SLCO1B1: variants seen among roughly 807,000 people sequenced by gnomAD.
SLCO1B1 encodes the protein OATP-2.
In SLCO1B1, 81 loss-of-function variants were observed where a neutral mutation model predicts 70.1. That is an observed-to-expected ratio of 1.16 (90% CI 0.97 to 1.39). SLCO1B1 has a LOEUF of 1.39. Among genes scored for constraint, SLCO1B1 ranks in the 40% most tolerant of loss-of-function variants. The pLI is 0.00. For missense variants in SLCO1B1, 895 were observed against 799.6 expected (o/e 1.12, Z -1.44); for synonymous variants, 283 against 271.5 (o/e 1.04, Z -0.42).
chr12:21,237,553 C>T (rs559941705), intron 14 of SLCO1B1, among the ~76,000 whole-genome samples: 36 of 152,062 alleles, frequency 2.4e-4, no homozygotes, highest in African/African-American at 6.8e-4. Context: ...AATAACACAC[C>T]TACACGTAGT....
At chr12:21,191,636 G>C (rs11045841) in intron 7 of SLCO1B1, among the ~76,000 whole-genome samples, 1,571 of 151,942 alleles carry the variant, frequency 0.01, 38 homozygotes, top group South Asian at 0.038. Context: ...TCTTTTTCTT[G>C]GTTAATTGCT....
chr12:21,140,572 C>A (rs1940294522), intron 1 of SLCO1B1, among the ~76,000 whole-genome samples: 1 of 151,890 alleles, frequency 6.6e-6, no homozygotes, highest in Non-Finnish European at 1.5e-5. Flanking sequence ...TTAAGAACAT[C>A]TTTAATATGA....
rs146486871 is a variant in SLCO1B1 at position 21,217,970 on chromosome 12, T to C, written c.1682+667T>C. Among the ~76,000 whole-genome samples the C allele has an allele frequency of 1.4e-4, 22 of 152,294 alleles. 1 individual carries two copies. Among genetic ancestry groups the C allele is most frequent in the Admixed American group, 7.2e-4 (11 of 15,286 alleles). On this transcript the variant is annotated intron_variant, in intron 12 of 14. Coordinates refer to ENST00000256958, the MANE Select transcript of SLCO1B1 (RefSeq NM_006446.5). ...CAAAGCACATATTTATAAATTGTTC[T>C]GAGTCCTCATCAGGAAAAAGATTTC...
At chr12:21,186,096 C>A (rs967284276) in intron 7 of SLCO1B1, among the ~76,000 whole-genome samples, 3 of 151,998 alleles carry the variant, frequency 2.0e-5, no homozygotes, top group African/African-American at 7.2e-5. Context: ...CAGATGGATT[C>A]TCAGCCAAAT....
chr12:21,144,328 T>G (rs559849373), intron 2 of SLCO1B1, among the ~76,000 whole-genome samples: 1 of 152,044 alleles, frequency 6.6e-6, no homozygotes, highest in East Asian at 1.9e-4. Context: ...ATCTCAGAGT[T>G]TGAAGATTAC....
chr12:21,176,855 A>C lies in SLCO1B1; in HGVS notation c.439A>C (p.Ile147Leu). Residue 147 changes from isoleucine (I) to leucine (L), a missense_variant, in exon 5 of 15, where the codon ATT (isoleucine) becomes CTT (leucine). Transcript: ENST00000256958. ...CTTATCCACTTGTTTAATTAATCAA[A>C]TTTTATCACTCAATAGAGCATCACC... The part of the protein sequence containing the change: ...STLSTCLINQ[I>L]LSLNRASPEI... 1 of 1,559,632 alleles carries C rather than the reference A, an allele frequency of 6.4e-7. No homozygotes were observed. The highest frequency in any genetic ancestry group is 8.8e-7 in the Non-Finnish European group (1 of 1,130,334).
At chr12:21,139,343 AC>A (rs1940275499) in intron 1 of SLCO1B1, among the ~76,000 whole-genome samples, 4 of 152,084 alleles carry the variant, frequency 2.6e-5, no homozygotes. Flanking sequence ...GAACCCAGAA[AC>A]CCGACATATC....
chr12:21,237,430 T>C (rs34111581), intron 14 of SLCO1B1, among the ~76,000 whole-genome samples: 20,280 of 152,164 alleles, frequency 0.13, 1,656 homozygotes, highest in Non-Finnish European at 0.18. Flanking sequence ...CTCTTCTTGC[T>C]TGCATGGTTT....
In SLCO1B1 at chr12:21,239,128, C is replaced by G; in HGVS notation, c.2015C>G (p.Ser672Cys). 6.2e-7 allele frequency: 1 copy of G among 1,612,912 alleles called. No individual in the cohort carries two copies. The highest frequency in any genetic ancestry group is 1.3e-5 in the African/African-American group (1 of 74,954). The change falls in exon 15 of 15, where the codon TCC (serine) becomes TGC (cysteine). Residue 672 changes from serine to cysteine, a missense_variant. Ser to Cys is a moderately radical substitution (Grantham distance 112). Coordinates refer to ENST00000256958, the MANE Select transcript of SLCO1B1 (RefSeq NM_006446.5). The stretch of plus-strand genomic sequence containing the variant: ...GTCATGGATGAAGCAAACTTAGAAT[C>G]CTTAAATAAAAATAAACATTTTGTC... The part of the protein sequence containing the change: ...GSVMDEANLE[S>C]LNKNKHFVPS...
At chr12:21,163,817 G>A (rs73247004) in intron 2 of SLCO1B1, among the ~76,000 whole-genome samples, 20,516 of 152,002 alleles carry the variant, frequency 0.13, 1,842 homozygotes, top group East Asian at 0.33. Flanking sequence ...GATTTGACAT[G>A]CGCATTTGAG....
At chr12:21,226,109 G>A (rs1941479608) in intron 14 of SLCO1B1, among the ~76,000 whole-genome samples, 1 of 152,154 alleles carries the variant, frequency 6.6e-6, no homozygotes, top group Non-Finnish European at 1.5e-5. Flanking sequence ...CTAAGTGAAA[G>A]AAGGCAGTCT....
chr12:21,131,933 C>G (rs1279970292), intron 1 of SLCO1B1, among the ~76,000 whole-genome samples: 1 of 151,968 alleles, frequency 6.6e-6, no homozygotes, highest in Admixed American at 6.5e-5. Context: ...GTGTGCTGCA[C>G]CCATTAACTC....
In SLCO1B1 at chr12:21,224,752, C is replaced by T. The variant is rs768644633; in HGVS notation, c.1778C>T (p.Ala593Val). 1.2e-6 allele frequency: 2 copies of T among 1,611,456 alleles called. No homozygotes were observed. Among genetic ancestry groups the T allele is most frequent in the Non-Finnish European group, 1.7e-6 (2 of 1,178,302 alleles). ...GGILAPIYFG[A>V]LIDTTCIKWS... Reference sequence around the variant, plus strand: ...ATTCTAGCTCCAATATATTTTGGGGCTCTGATTGATACAACGTGTATAAAG... The same window carrying T: ...ATTCTAGCTCCAATATATTTTGGGGTTCTGATTGATACAACGTGTATAAAG... The change falls in exon 14 of 15, where the codon GCT becomes GTT. Residue 593 changes from alanine to valine, a missense_variant. Ala to Val is a moderately conservative substitution (Grantham distance 64). Coordinates refer to ENST00000256958, the MANE Select transcript of SLCO1B1 (RefSeq NM_006446.5).
chr12:21,138,798 A>G (rs140339535), intron 1 of SLCO1B1, among the ~76,000 whole-genome samples: 13 of 152,326 alleles, frequency 8.5e-5, no homozygotes, highest in African/African-American at 3.1e-4. Flanking sequence ...TCAGGATTGA[A>G]AGAAACATAC....
chr12:21,189,439 T>C (rs555153361), intron 7 of SLCO1B1, among the ~76,000 whole-genome samples: 22 of 142,916 alleles, frequency 1.5e-4, no homozygotes, highest in African/African-American at 4.9e-4. Flanking sequence ...TGTAGCCTAA[T>C]TGTTTTTTCA....
chr12:21,212,938 T>C (rs1324985278), intron 11 of SLCO1B1, among the ~76,000 whole-genome samples: 1 of 152,084 alleles, frequency 6.6e-6, no homozygotes, highest in South Asian at 2.1e-4. Context: ...TCCATCCTTT[T>C]ATTTTGAGCC....
intron 13 of SLCO1B1, 33 bp downstream of exon 13, chr12:21,222,397 A>ATATAT (rs756408099): frequency 7.2e-5 from 7 of 97,720 alleles, no homozygotes; most frequent in African/African-American, 2.7e-4. Context: ...AAAAAAAAAA[A>ATATAT]ATATATATAT....
chr12:21,160,259 G>T (rs1362193151), intron 2 of SLCO1B1, among the ~76,000 whole-genome samples: 1 of 151,904 alleles, frequency 6.6e-6, no homozygotes, highest in African/African-American at 2.4e-5. Flanking sequence ...AAACAGCATG[G>T]TACTAGTAGA....
intron 7 of SLCO1B1, among the ~76,000 whole-genome samples, chr12:21,188,030 G>A (rs1245844258): frequency 6.6e-6 from 1 of 152,152 alleles, no homozygotes; most frequent in African/African-American, 2.4e-5. Context: ...ACTGTTTTTG[G>A]CTTCTTTTAT....
Sources: allele counts gnomAD v4.1 joint callset (sites outside exome capture counted in the v4.1 genomes callset), GRCh38; gene constraint gnomAD v4.1.1; transcripts MANE v1.5; gene names NCBI Gene and HGNC (gene_info 2026-07-23, HGNC 2026-07-21).